Variants in SYT17 observed in about 807,000 individuals in gnomAD.
The protein encoded by SYT17 is synaptotagmin-17.
SYT17 carries 22 observed loss-of-function variants against 46.7 expected under a neutral mutation model. The ratio of observed to expected loss-of-function variants is 0.47; its 90% CI spans 0.34 to 0.67. SYT17 has a LOEUF of 0.67. SYT17 is among the 30% of genes least tolerant of loss of function. The probability of loss-of-function intolerance (pLI) is 0.01; values close to 1 mark genes in which losing one functional copy is unlikely to be tolerated. For synonymous variants in SYT17, 251 were observed against 248.4 expected (o/e 1.01, Z -0.10); for missense variants, 519 against 612.8 (o/e 0.85, Z 1.62).
At chr16:19,181,380 A>G (rs1278670233) in intron 4 of SYT17, among the ~76,000 whole-genome samples, 1 of 151,580 alleles carries the variant, frequency 6.6e-6, no homozygotes, top group Non-Finnish European at 1.5e-5. Context: ...TTCACCAGAC[A>G]GAGGGAAAAG....
chr16:19,172,186 G>C (rs1964122969), intron 1 of SYT17: 1 of 298,252 alleles, frequency 3.4e-6, no homozygotes, highest in Admixed American at 5.4e-5. Flanking sequence ...AACAGGAAGG[G>C]AGGACCTCCT....
chr16:19,178,203 C>T (rs1313559278), intron 3 of SYT17, among the ~76,000 whole-genome samples: 3 of 152,104 alleles, frequency 2.0e-5, no homozygotes, highest in African/African-American at 4.8e-5. Flanking sequence ...TTGCCTCAGC[C>T]TCCCGAGTAG....
chr16:19,178,485 TTTC>T (rs1297264581), intron 3 of SYT17, among the ~76,000 whole-genome samples: 4 of 151,876 alleles, frequency 2.6e-5, no homozygotes, highest in Non-Finnish European at 5.9e-5. Context: ...AGAGATGGGG[TTTC>T]GCCATGTCGG....
intron 7 of SYT17, among the ~76,000 whole-genome samples, chr16:19,256,887 T>C (rs957315363): frequency 6.6e-6 from 1 of 152,100 alleles, no homozygotes. Context: ...CTCTTCTTTT[T>C]GAGATAAAGG....
chr16:19,262,521 T>A (rs927491926), intron 7 of SYT17, among the ~76,000 whole-genome samples: 3 of 152,120 alleles, frequency 2.0e-5, no homozygotes, highest in African/African-American at 7.2e-5. Context: ...AGAGTCCTCT[T>A]TGTCATAGGA....
At chr16:19,237,561 T>G (rs1195814795) in intron 7 of SYT17, among the ~76,000 whole-genome samples, 1 of 152,170 alleles carries the variant, frequency 6.6e-6, no homozygotes, top group African/African-American at 2.4e-5. Context: ...TCCTAGAAAT[T>G]TCTGCATAAT....
At chr16:19,252,140 C>T (rs1968125157) in intron 7 of SYT17, among the ~76,000 whole-genome samples, 1 of 149,864 alleles carries the variant, frequency 6.7e-6, no homozygotes, top group South Asian at 2.1e-4. Context: ...CCAGCCTGGG[C>T]GACAGAGCAA....
chr16:19,232,783 G>A (rs906933327), intron 7 of SYT17, among the ~76,000 whole-genome samples: 8 of 152,162 alleles, frequency 5.3e-5, no homozygotes, highest in Middle Eastern at 3.4e-3. Flanking sequence ...AGTGACCCGA[G>A]ATCACGGCAC....
intron 7 of SYT17, among the ~76,000 whole-genome samples, chr16:19,231,949 G>A (rs1486859244): frequency 2.0e-5 from 3 of 152,196 alleles, no homozygotes; most frequent in African/African-American, 7.2e-5. Flanking sequence ...ATTTCAGAGT[G>A]TCTGACCCAG....
rs930752613 is a variant in SYT17, at chr16:19,173,432, T to C, written c.36T>C (p.Gly12=). Residue 12 remains glycine (G), a splice_region_variant and synonymous_variant, in exon 3 of 8, where the codon GGT becomes GGC. Transcript: ENST00000355377. The part of the protein sequence containing the change: ...AYIQLEPLNE[G]FLSRISGLLL... ...CCCACCTCCCCCAATGGCCTCAGGGTTTTCTTTCTAGAATCTCTGGTCTGC... is the reference window on the plus strand; with the variant it reads ...CCCACCTCCCCCAATGGCCTCAGGGCTTTCTTTCTAGAATCTCTGGTCTGC... The C allele has an allele frequency of 1.2e-5, 14 of 1,138,798 alleles. No individual in the cohort carries two copies. The highest frequency in any genetic ancestry group is 1.6e-5 in the Non-Finnish European group (14 of 884,588). 70.5% of individuals were successfully genotyped at this position (1,138,798 alleles called of 1,614,324 possible).
Position 19,240,518 on chromosome 16 carries a change from G to A in SYT17, c.1228+15680G>A, listed in dbSNP as rs187274190. On this transcript the variant is annotated intron_variant, in intron 7 of 7. Coordinates refer to ENST00000355377, the MANE Select transcript of SYT17 (RefSeq NM_016524.4). ...TCTACCCTGAGTCTGGCTGAGTCCAGGGTTTTTATGGGCCTCAGAGGGGAG... is the reference window on the plus strand; with the variant it reads ...TCTACCCTGAGTCTGGCTGAGTCCAAGGTTTTTATGGGCCTCAGAGGGGAG... Among the ~76,000 whole-genome samples the A allele has an allele frequency of 1.7e-3, 266 of 152,208 alleles. 2 individuals carry two copies. The highest frequency in any genetic ancestry group is 6.2e-3 in the African/African-American group (257 of 41,552).
chr16:19,188,262 C>T (rs1964862208), intron 5 of SYT17, among the ~76,000 whole-genome samples: 1 of 152,046 alleles, frequency 6.6e-6, no homozygotes, highest in South Asian at 2.1e-4. Flanking sequence ...CGTGTTCTCA[C>T]TTGTAAGTGG....
chr16:19,208,739 T>C (rs904769398), intron 5 of SYT17, among the ~76,000 whole-genome samples: 2 of 152,140 alleles, frequency 1.3e-5, no homozygotes, highest in African/African-American at 4.8e-5. Context: ...TATTGGCTTA[T>C]AGATCTCTGC....
intron 7 of SYT17, among the ~76,000 whole-genome samples, chr16:19,227,106 C>G (rs1241793733): frequency 6.6e-6 from 1 of 152,152 alleles, no homozygotes; most frequent in Non-Finnish European, 1.5e-5. Flanking sequence ...GGACACTTCA[C>G]AGGATTGTTA....
At chr16:19,207,368 A>C (rs186604619) in intron 5 of SYT17, among the ~76,000 whole-genome samples, 1 of 152,346 alleles carries the variant, frequency 6.6e-6, no homozygotes, top group African/African-American at 2.4e-5. Context: ...TATAAGAAAT[A>C]CCTGAGACTG....
At position 19,252,438 on chromosome 16, in the gene SYT17, CAT is replaced by C. The variant is rs1199908077; in HGVS notation, c.1229-14434_1229-14433del. Among the ~76,000 whole-genome samples the C allele has an allele frequency of 2.3e-4, 5 of 21,758 alleles. 1 individual carries two copies. The highest frequency in any genetic ancestry group is 2.0e-4 in the Non-Finnish European group (3 of 15,118). The allele number at this position is 21,758 out of a possible 152,430, so 14.3% of individuals were successfully genotyped here. ...ATACATATATATATACATATATATA[CAT>C]ATATATACACATATATACATATATA... On this transcript the variant is annotated intron_variant, in intron 7 of 7. Transcript: ENST00000355377.
At chr16:19,179,485 T>C (rs1964459155) in intron 3 of SYT17, among the ~76,000 whole-genome samples, 1 of 152,164 alleles carries the variant, frequency 6.6e-6, no homozygotes, top group South Asian at 2.1e-4. Context: ...CAGGCTGGTC[T>C]CAAACTCCTG....
At chr16:19,244,911 GA>G (rs1318097042) in intron 7 of SYT17, among the ~76,000 whole-genome samples, 3 of 152,182 alleles carry the variant, frequency 2.0e-5, no homozygotes, top group Non-Finnish European at 2.9e-5. Flanking sequence ...GAGAGGCTGG[GA>G]AATGTAGTCC....
intron 7 of SYT17, among the ~76,000 whole-genome samples, chr16:19,262,232 C>T (rs727747): frequency 0.45 from 68,564 of 152,062 alleles, 18,585 homozygotes; most frequent in East Asian, 0.96. Flanking sequence ...GAATCCTAAT[C>T]CCCATGTGGG....
Sources: allele counts gnomAD v4.1 joint callset (sites outside exome capture counted in the v4.1 genomes callset), GRCh38; gene constraint gnomAD v4.1.1; transcripts MANE v1.5; gene names NCBI Gene and HGNC (gene_info 2026-07-23, HGNC 2026-07-21).